Variants in EXT1 observed in about 807,000 individuals in gnomAD.
EXT1 encodes exostosin glycosyltransferase 1, also known as exostosin-1.
EXT1 carries 20 observed loss-of-function variants against 82.5 expected under a neutral mutation model. The ratio of observed to expected loss-of-function variants is 0.24; its 90% CI spans 0.17 to 0.35. EXT1 has a LOEUF of 0.35. Among genes scored for constraint, EXT1 ranks in the 10% least tolerant of loss-of-function variants. EXT1 has a pLI of 1.00. For missense variants in EXT1, 757 were observed against 936.5 expected (o/e 0.81, Z 2.50); for synonymous variants, 348 against 350.8 (o/e 0.99, Z 0.09).
chr8:117,990,332 T>C (rs1227580729), intron 1 of EXT1, among the ~76,000 whole-genome samples: 1 of 152,242 alleles, frequency 6.6e-6, no homozygotes, highest in South Asian at 2.1e-4. Flanking sequence ...ACTTTCATTT[T>C]AAACTAATTC....
intron 1 of EXT1, among the ~76,000 whole-genome samples, chr8:117,928,312 C>T (rs17504547): frequency 0.045 from 6,842 of 152,266 alleles, 505 homozygotes; most frequent in African/African-American, 0.15. Context: ...AGTCTGTCTG[C>T]CCAGCCTATT....
At chr8:117,971,641 A>G (rs995374974) in intron 1 of EXT1, among the ~76,000 whole-genome samples, 1 of 152,232 alleles carries the variant, frequency 6.6e-6, no homozygotes, top group Admixed American at 6.5e-5. Flanking sequence ...AGCCATTCAA[A>G]TTAATATTGG....
chr8:117,874,797 C>A (rs1449169975), intron 1 of EXT1, among the ~76,000 whole-genome samples: 1 of 152,078 alleles, frequency 6.6e-6, no homozygotes, highest in Admixed American at 6.6e-5. Flanking sequence ...CCTTTTCCAT[C>A]TTCTTTAGTG....
At chr8:117,837,530 T>C (rs950287483) in intron 1 of EXT1, among the ~76,000 whole-genome samples, 3 of 152,172 alleles carry the variant, frequency 2.0e-5, no homozygotes, top group East Asian at 1.9e-4. Flanking sequence ...TGTTGCCCCA[T>C]AGTCTTAAAA....
chr8:118,032,147 T>G (rs1486584469), intron 1 of EXT1, among the ~76,000 whole-genome samples: 8 of 143,892 alleles, frequency 5.6e-5, no homozygotes, highest in Middle Eastern at 3.6e-3. Context: ...CCGCGATGAC[T>G]TTTGCACCGA....
intron 1 of EXT1, among the ~76,000 whole-genome samples, chr8:117,980,267 G>C (rs17476170): frequency 4.1e-4 from 62 of 152,140 alleles, no homozygotes; most frequent in Middle Eastern, 6.8e-3. Context: ...AGTCATCCTC[G>C]TCCTTCCCCC....
intron 1 of EXT1, among the ~76,000 whole-genome samples, chr8:117,962,427 A>T (rs886294327): frequency 2.0e-5 from 3 of 151,834 alleles, no homozygotes; most frequent in Admixed American, 6.6e-5. Context: ...CCTGGGCAAC[A>T]CAGCAAGACC....
At chr8:118,037,177 T>C (rs1444539961) in intron 1 of EXT1, among the ~76,000 whole-genome samples, 2 of 152,174 alleles carry the variant, frequency 1.3e-5, no homozygotes, top group Non-Finnish European at 2.9e-5. Context: ...CAGAATGTTT[T>C]CCAGAATAAT....
chr8:117,872,001 G>A (rs1310583770), intron 1 of EXT1, among the ~76,000 whole-genome samples: 1 of 151,946 alleles, frequency 6.6e-6, no homozygotes, highest in African/African-American at 2.4e-5. Flanking sequence ...ATGGGGTGGC[G>A]TGTACCTGTA....
At chr8:117,946,394 G>A (rs748268630) in intron 1 of EXT1, among the ~76,000 whole-genome samples, 5 of 152,042 alleles carry the variant, frequency 3.3e-5, no homozygotes, top group Admixed American at 6.6e-5. Context: ...GAGGGAGGAC[G>A]AATAAAAGGG....
intron 1 of EXT1, among the ~76,000 whole-genome samples, chr8:118,014,529 G>A (rs770089788): frequency 5.3e-5 from 8 of 152,156 alleles, no homozygotes; most frequent in African/African-American, 1.4e-4. Flanking sequence ...ACTTCCCTGA[G>A]CCCAGTTACA....
At chr8:117,916,589 G>A (rs13265594) in intron 1 of EXT1, among the ~76,000 whole-genome samples, 137,557 of 152,290 alleles carry the variant, frequency 0.9, 63,420 homozygotes, top group Non-Finnish European at 1. Flanking sequence ...CAGTTTAACA[G>A]AGAGTTCAGA....
intron 10 of EXT1, among the ~76,000 whole-genome samples, chr8:117,801,017 A>C (rs2129683466): frequency 6.6e-6 from 1 of 152,370 alleles, no homozygotes; most frequent in Middle Eastern, 3.4e-3. Flanking sequence ...ATATGTATGC[A>C]CGTGTGTTCT....
intron 1 of EXT1, among the ~76,000 whole-genome samples, chr8:117,986,970 C>A (rs1176201309): frequency 6.6e-6 from 1 of 152,138 alleles, no homozygotes; most frequent in African/African-American, 2.4e-5. Context: ...CAAATTTGAG[C>A]CAGTGTAGGG....
At chr8:117,916,037 T>C (rs1318654709) in intron 1 of EXT1, among the ~76,000 whole-genome samples, 2 of 151,942 alleles carry the variant, frequency 1.3e-5, no homozygotes, top group Admixed American at 6.5e-5. Context: ...ATTTCTTTGA[T>C]AGAAACTGCT....
At chr8:118,011,704 C>T (rs1815903001) in intron 1 of EXT1, among the ~76,000 whole-genome samples, 1 of 152,178 alleles carries the variant, frequency 6.6e-6, no homozygotes, top group Admixed American at 6.5e-5. Context: ...CACTCCCCAC[C>T]CTGATCGCTC....
chr8:117,991,371 C>T (rs970582654), intron 1 of EXT1, among the ~76,000 whole-genome samples: 1 of 152,154 alleles, frequency 6.6e-6, no homozygotes, highest in African/African-American at 2.4e-5. Context: ...CCAGTGGTTA[C>T]TTTGTCCGGC....
chr8:118,077,369 G>A lies in EXT1; in HGVS notation c.962+32716C>T, dbSNP rs538394698. On this transcript the variant is annotated intron_variant, in intron 1 of 10. Coordinates refer to ENST00000378204, the MANE Select transcript of EXT1 (RefSeq NM_000127.3). The stretch of plus-strand genomic sequence containing the variant: ...ACCAAAGGAGGACTCAATGTATATG[G>A]GAACCAAATAGAATAAAAACTGTAT... Among the ~76,000 whole-genome samples the A allele has an allele frequency of 6.6e-5, 10 of 152,204 alleles. No individual in the cohort carries two copies. The South Asian group carries it at 2.1e-3, about 32-fold the overall frequency.
intron 1 of EXT1, among the ~76,000 whole-genome samples, chr8:117,841,534 T>G (rs969209800): frequency 1.2e-4 from 19 of 152,114 alleles, no homozygotes; most frequent in Non-Finnish European, 1.8e-4. Flanking sequence ...AAGAAACATA[T>G]GATATCCTAA....
Sources: allele counts gnomAD v4.1 joint callset (sites outside exome capture counted in the v4.1 genomes callset), GRCh38; gene constraint gnomAD v4.1.1; transcripts MANE v1.5; gene names NCBI Gene and HGNC (gene_info 2026-07-23, HGNC 2026-07-21).